PDE7B: variants seen among roughly 807,000 people sequenced by gnomAD.
PDE7B encodes 3',5'-cyclic-AMP phosphodiesterase 7B.
A neutral mutation model predicts 56.2 loss-of-function variants in PDE7B; 29 were observed. The observed-to-expected ratio is 0.52, with a 90% CI of 0.38 to 0.70. PDE7B has a LOEUF of 0.70. Ranked by LOEUF, PDE7B falls within the 30% of genes least tolerant of loss-of-function variation. The probability of loss-of-function intolerance (pLI) is 0.00; values close to 1 mark genes in which losing one functional copy is unlikely to be tolerated. For missense variants in PDE7B, 490 were observed against 565.0 expected, an observed-to-expected ratio of 0.87 and a Z score of 1.35; for synonymous variants, 197 against 196.9, an observed-to-expected ratio of 1.00 and a Z score of 0.00.
At chr6:136,082,886 C>T (rs892232992) in intron 2 of PDE7B, among the ~76,000 whole-genome samples, 3 of 151,890 alleles carry the variant, frequency 2.0e-5, no homozygotes, top group African/African-American at 4.8e-5. Flanking sequence ...CGATGTGAGA[C>T]GAGAAAAAAA....
intron 1 of PDE7B, among the ~76,000 whole-genome samples, chr6:135,856,874 T>C (rs1775039334): frequency 6.6e-6 from 1 of 152,190 alleles, no homozygotes; most frequent in Admixed American, 6.5e-5. Flanking sequence ...GTATACAGTA[T>C]AGAAGTATGA....
At chr6:135,859,758 AAC>A (rs1775110306) in intron 1 of PDE7B, among the ~76,000 whole-genome samples, 1 of 152,068 alleles carries the variant, frequency 6.6e-6, no homozygotes, top group African/African-American at 2.4e-5. Context: ...AAAAAATCAA[AAC>A]ATTGAGTTGG....
At position 135,952,480 on chromosome 6, in the gene PDE7B, G is replaced by T. The variant is rs1357714920; in HGVS notation, c.82+4956G>T. Among the ~76,000 whole-genome samples, 3 of 152,102 alleles carry T rather than the reference G, an allele frequency of 2.0e-5. No individual in the cohort carries two copies. The East Asian group carries it at 5.8e-4, about 29-fold the overall frequency. ...GCATTGAGAATCCAAAGACCAGTGG[G>T]GCATAGAGTCTGCCCTTAGAGGGTT... is the stretch of plus-strand genomic sequence containing the variant. On this transcript the variant is annotated intron_variant, in intron 2 of 12. Transcript: ENST00000308191.
intron 2 of PDE7B, among the ~76,000 whole-genome samples, chr6:136,061,967 T>C (rs1183430650): frequency 6.6e-6 from 1 of 152,204 alleles, no homozygotes; most frequent in Non-Finnish European, 1.5e-5. Context: ...ACTGTGCCAG[T>C]CCTTATGGAG....
chr6:135,948,416 A>G (rs1437494979), intron 2 of PDE7B, among the ~76,000 whole-genome samples: 1 of 151,962 alleles, frequency 6.6e-6, no homozygotes, highest in Non-Finnish European at 1.5e-5. Flanking sequence ...TCATTTTAGC[A>G]TTTTCTATTT....
At chr6:135,869,451 G>A (rs763751346) in intron 1 of PDE7B, among the ~76,000 whole-genome samples, 31 of 152,076 alleles carry the variant, frequency 2.0e-4, no homozygotes, top group Non-Finnish European at 4.1e-4. Context: ...TTAGCATAAA[G>A]TCAGTACTTT....
At position 136,034,010 on chromosome 6, in the gene PDE7B, G is replaced by A. The variant is rs1776286092; in HGVS notation, c.83-74721G>A. 3 of 151,966 alleles carry A rather than the reference G, an allele frequency of 2.0e-5. No individual in the cohort carries two copies. In the South Asian group the frequency reaches 6.2e-4, roughly 32 times the overall value. The allele number at this position is 151,966 out of a possible 1,614,324, so 9.4% of individuals were successfully genotyped here. A position where few individuals can be genotyped will look rare whatever the true frequency, so the allele number is the denominator to read the frequency against. On this transcript the variant is annotated intron_variant, in intron 2 of 12. Transcript: ENST00000308191. ...TCCAAAAGATAGGCCACAGATAAGGGTCAATAAGGGTATAAAACAATTCCA... is the reference window on the plus strand; with the variant it reads ...TCCAAAAGATAGGCCACAGATAAGGATCAATAAGGGTATAAAACAATTCCA...
chr6:135,960,665 A>C (rs1196675747), intron 2 of PDE7B, among the ~76,000 whole-genome samples: 3 of 152,200 alleles, frequency 2.0e-5, no homozygotes, highest in Non-Finnish European at 4.4e-5. Context: ...AGCTCAATGA[A>C]TTTTTACAAA....
rs902739674 is a variant in PDE7B, at chr6:136,090,985, A to G, written c.83-17746A>G. On this transcript the variant is annotated intron_variant, in intron 2 of 12. Coordinates refer to ENST00000308191, the MANE Select transcript of PDE7B (RefSeq NM_018945.4). ...TCCATTCCCCTAGCCAAAGTGTCCA[A>G]ATTCCAACAGGACACAATTCACAAA... Among the ~76,000 whole-genome samples, 63 of 152,324 alleles carry G rather than the reference A, an allele frequency of 4.1e-4. 1 individual carries two copies. The highest frequency in any genetic ancestry group is 3.4e-3 in the Admixed American group (52 of 15,296).
At chr6:136,042,721 C>T (rs1776433509) in intron 2 of PDE7B, among the ~76,000 whole-genome samples, 1 of 152,174 alleles carries the variant, frequency 6.6e-6, no homozygotes, top group Middle Eastern at 3.2e-3. Flanking sequence ...TTCAAATTAA[C>T]ATTTAAACTA....
At chr6:135,937,052 A>G (rs1219901085) in intron 1 of PDE7B, among the ~76,000 whole-genome samples, 1 of 152,226 alleles carries the variant, frequency 6.6e-6, no homozygotes, top group Non-Finnish European at 1.5e-5. Context: ...TGACACAACT[A>G]AAAGTGTTAG....
chr6:136,031,731 T>C (rs1302614206), intron 2 of PDE7B, among the ~76,000 whole-genome samples: 1 of 101,894 alleles, frequency 9.8e-6, no homozygotes, highest in Admixed American at 1.3e-4. Context: ...AGAGCGAGAC[T>C]CCGTCTCAAA....
intron 1 of PDE7B, among the ~76,000 whole-genome samples, chr6:135,864,707 G>A (rs187628794): frequency 8.7e-4 from 132 of 152,002 alleles, no homozygotes; most frequent in Non-Finnish European, 1.4e-3. Context: ...AATGTGTGTC[G>A]TGATATTGTT....
At chr6:136,191,123 A>G (rs1046520881) in intron 12 of PDE7B, among the ~76,000 whole-genome samples, 3 of 149,512 alleles carry the variant, frequency 2.0e-5, no homozygotes, top group Non-Finnish European at 4.4e-5. Context: ...AGCATTGTAC[A>G]TACATTAAGT....
intron 12 of PDE7B, among the ~76,000 whole-genome samples, chr6:136,190,314 G>A (rs1417094444): frequency 6.6e-6 from 1 of 152,110 alleles, no homozygotes; most frequent in Non-Finnish European, 1.5e-5. Flanking sequence ...TCTCTACTAT[G>A]ATCTCACAAT....
chr6:136,088,904 G>A (rs117900002), intron 2 of PDE7B, among the ~76,000 whole-genome samples: 3,864 of 151,778 alleles, frequency 0.025, 74 homozygotes, highest in Non-Finnish European at 0.038. Flanking sequence ...GGTGGAGGGG[G>A]AAGCCAAGTA....
At chr6:135,900,700 A>T (rs1775984104) in intron 1 of PDE7B, among the ~76,000 whole-genome samples, 1 of 151,564 alleles carries the variant, frequency 6.6e-6, no homozygotes, top group Non-Finnish European at 1.5e-5. Context: ...TTATTTTCCT[A>T]TGTGTCCTTA....
chr6:135,979,933 A>T (rs2128204085), intron 2 of PDE7B, among the ~76,000 whole-genome samples: 1 of 152,334 alleles, frequency 6.6e-6, no homozygotes, highest in Middle Eastern at 3.4e-3. Flanking sequence ...AGAATTTGAA[A>T]AAACTACTTT....
intron 2 of PDE7B, among the ~76,000 whole-genome samples, chr6:136,014,637 A>G (rs1163261997): frequency 2.0e-5 from 3 of 152,164 alleles, no homozygotes; most frequent in Non-Finnish European, 4.4e-5. Context: ...TATTATCCCT[A>G]TATTGCAGAG....
Sources: allele counts gnomAD v4.1 joint callset (sites outside exome capture counted in the v4.1 genomes callset), GRCh38; gene constraint gnomAD v4.1.1; transcripts MANE v1.5; gene names NCBI Gene and HGNC (gene_info 2026-07-23, HGNC 2026-07-21).